The following TEX9 variants were observed in gnomAD, a reference collection of about 807,000 sequenced individuals.
The protein encoded by TEX9 is testis-expressed protein 9.
A neutral mutation model predicts 59.6 loss-of-function variants in TEX9; 74 were observed. The ratio of observed to expected loss-of-function variants is 1.24; its 90% CI spans 1.03 to 1.51. The LOEUF is 1.51. Ranked by LOEUF, TEX9 falls within the 40% of genes most tolerant of loss-of-function variation. TEX9 has a pLI of 0.00. For missense variants in TEX9, 522 were observed against 447.8 expected (o/e 1.17, Z -1.49); for synonymous variants, 186 against 152.2 (o/e 1.22, Z -1.64).
intron 1 of TEX9, among the ~76,000 whole-genome samples, chr15:56,292,609 A>G (rs934642708): frequency 6.6e-6 from 1 of 152,212 alleles, no homozygotes; most frequent in Admixed American, 6.5e-5. Context: ...AATGAGTGGT[A>G]GAAGAGGGAG....
chr15:56,272,099 G>C (rs1432699354), intron 1 of TEX9, among the ~76,000 whole-genome samples: 1 of 151,764 alleles, frequency 6.6e-6, no homozygotes, highest in African/African-American at 2.4e-5. Flanking sequence ...AGCTGAGATC[G>C]CGCCACTGCA....
At chr15:56,362,530 A>G (rs1183325931), upstream of TEX9, among the ~76,000 whole-genome samples, 2 of 151,302 alleles carry the variant, frequency 1.3e-5, no homozygotes, top group African/African-American at 4.9e-5. Flanking sequence ...TAAATAGTTT[A>G]TTTTTAAGAT....
intron 1 of TEX9, 41 bp downstream of exon 1, chr15:56,365,518 G>C: frequency 6.2e-7 from 1 of 1,614,186 alleles, no homozygotes; most frequent in Non-Finnish European, 8.5e-7. Flanking sequence ...TCTGGGTTCC[G>C]GCGACTAGGA....
intron 1 of TEX9, among the ~76,000 whole-genome samples, chr15:56,331,503 T>C (rs1330141917): frequency 6.6e-6 from 1 of 152,170 alleles, no homozygotes; most frequent in Non-Finnish European, 1.5e-5. Context: ...AGGAAGAATT[T>C]TGAAAACTAT....
At chr15:56,374,205 G>A (rs1335238737) in intron 3 of TEX9, 3 of 151,762 alleles carry the variant, frequency 2.0e-5, no homozygotes, top group African/African-American at 4.8e-5. Flanking sequence ...AGGACCCCAC[G>A]TTATAGTAGA....
chr15:56,257,329 GA>G (rs1301225549), intron 1 of TEX9, among the ~76,000 whole-genome samples: 2 of 151,982 alleles, frequency 1.3e-5, no homozygotes, highest in Non-Finnish European at 2.9e-5. Context: ...TTGTTGGGCT[GA>G]ATGTTATTTC....
chr15:56,421,358 T>A (rs1017302754), intron 10 of TEX9, among the ~76,000 whole-genome samples: 1 of 151,894 alleles, frequency 6.6e-6, no homozygotes, highest in Non-Finnish European at 1.5e-5. Flanking sequence ...TCAGAAATGC[T>A]TGGGACCAGA....
intron 2 of TEX9, among the ~76,000 whole-genome samples, chr15:56,367,659 T>C (rs2047007019): frequency 6.6e-6 from 1 of 152,230 alleles, no homozygotes; most frequent in African/African-American, 2.4e-5. Flanking sequence ...GAGAACTGAC[T>C]TATTTATGCT....
At chr15:56,426,815 C>CTGACCCTTTTTCTGCTT (rs1567141851) in intron 10 of TEX9, among the ~76,000 whole-genome samples, 1 of 151,282 alleles carries the variant, frequency 6.6e-6, no homozygotes, top group Non-Finnish European at 1.5e-5. Context: ...ATGATTTCTA[C>CTGACCCTTTTTCTGCTT]TGACCCTTTT....
At position 56,293,656 on chromosome 15, in the gene TEX9, G is replaced by A. The variant is rs190753715; in HGVS notation, c.-107+49378G>A. ...AGTTTTGCCTCCAGAAGGGACTGGA[G>A]ATTACAGGTATCAGCCTGACCTCAA... is the stretch of plus-strand genomic sequence containing the variant. On this transcript the variant is annotated intron_variant, in intron 1 of 5. Coordinates refer to the TEX9 transcript ENST00000560827. 4.9e-4 allele frequency among the ~76,000 whole-genome samples: 74 copies of A among 152,338 alleles called. 1 individual carries two copies. The South Asian group carries it at 0.011, about 22-fold the overall frequency.
chr15:56,339,366 G>A (rs1454607520), intron 1 of TEX9, among the ~76,000 whole-genome samples: 2 of 98,486 alleles, frequency 2.0e-5, no homozygotes, highest in East Asian at 3.1e-4. Context: ...CTGGGTGTCA[G>A]AGCAAGACTC....
intron 1 of TEX9, among the ~76,000 whole-genome samples, chr15:56,271,491 G>T (rs903580185): frequency 6.6e-6 from 1 of 152,014 alleles, no homozygotes; most frequent in Non-Finnish European, 1.5e-5. Flanking sequence ...TCAAGATGGG[G>T]TTTCATCATG....
intron 12 of TEX9, chr15:56,444,673 T>G: frequency 6.2e-7 from 1 of 1,609,000 alleles, no homozygotes; most frequent in Non-Finnish European, 8.5e-7. Context: ...GCATCACGTT[T>G]CTGTTATTAA....
chr15:56,272,826 A>G (rs1417142394), intron 1 of TEX9, among the ~76,000 whole-genome samples: 3 of 152,180 alleles, frequency 2.0e-5, no homozygotes, highest in African/African-American at 7.2e-5. Context: ...ATTTAAATCT[A>G]TCATCTTGCT....
chr15:56,335,309 T>C (rs2046237744), intron 1 of TEX9, among the ~76,000 whole-genome samples: 1 of 152,110 alleles, frequency 6.6e-6, no homozygotes, highest in African/African-American at 2.4e-5. Context: ...TGGAGCACTA[T>C]TCAGCCATAA....
intron 1 of TEX9, among the ~76,000 whole-genome samples, chr15:56,332,569 T>A (rs1461807323): frequency 6.6e-6 from 1 of 150,914 alleles, no homozygotes; most frequent in Non-Finnish European, 1.5e-5. Flanking sequence ...TGTATACATA[T>A]GTAACTAACC....
At chr15:56,365,617 T>G in exon 2 of TEX9, 1 of 1,614,180 alleles carries the variant, frequency 6.2e-7, no homozygotes, top group Non-Finnish European at 8.5e-7. Flanking sequence ...CGCCACCCGT[T>G]CAGCAACCCT....
chr15:56,378,454 A>T (rs1368721699), intron 3 of TEX9, among the ~76,000 whole-genome samples: 2 of 151,754 alleles, frequency 1.3e-5, no homozygotes, highest in Non-Finnish European at 2.9e-5. Flanking sequence ...GGTGGGTTGT[A>T]TGTATGTGTC....
At chr15:56,431,443 G>T (rs547773434) in intron 12 of TEX9, 2 of 1,613,296 alleles carry the variant, frequency 1.2e-6, no homozygotes, top group Admixed American at 1.7e-5. Flanking sequence ...TTCAATAATT[G>T]CATTAATAAA....
Sources: allele counts gnomAD v4.1 joint callset (sites outside exome capture counted in the v4.1 genomes callset), GRCh38; gene constraint gnomAD v4.1.1; transcripts MANE v1.5; gene names NCBI Gene and HGNC (gene_info 2026-07-23, HGNC 2026-07-21).